GABPA: variants seen among roughly 807,000 people sequenced by gnomAD.
GABPA encodes GA binding protein transcription factor subunit alpha.
In GABPA, 4 loss-of-function variants were observed where a neutral mutation model predicts 59.4. That is an observed-to-expected ratio of 0.07 (90% confidence interval 0.03 to 0.15). The LOEUF (loss-of-function observed/expected upper bound fraction) is 0.15, where lower values mean the gene tolerates loss of function less well. Among genes scored for constraint, GABPA ranks in the 10% least tolerant of loss-of-function variants. The pLI is 1.00. For synonymous variants in GABPA, 164 were observed against 183.1 expected, an observed-to-expected ratio of 0.90 and a Z score of 0.84; for missense variants, 251 against 543.8, an observed-to-expected ratio of 0.46 and a Z score of 5.36.
intron 2 of GABPA, 52 bp downstream of exon 2, chr21:25,741,727 T>A: frequency 8.7e-7 from 1 of 1,152,760 alleles, no homozygotes; most frequent in Non-Finnish European, 1.3e-6. Context: ...TATACCTAAT[T>A]AAAACCAGGA....
At chr21:25,737,673 C>A (rs569009904) in intron 1 of GABPA, among the ~76,000 whole-genome samples, 4 of 152,270 alleles carry the variant, frequency 2.6e-5, no homozygotes, top group Admixed American at 2.0e-4. Flanking sequence ...CAGCCTCTGG[C>A]TACATCATAA....
At position 25,771,699 on chromosome 21, in the gene GABPA, A is replaced by T. The variant is rs2146113756; in HGVS notation, c.*2467A>T. On this transcript the variant is annotated 3_prime_UTR_variant, in exon 10 of 10. Coordinates refer to ENST00000400075, the MANE Select transcript of GABPA (RefSeq NM_002040.4). The stretch of plus-strand genomic sequence containing the variant: ...GAATTTACAGTATATTCAAAGGAAG[A>T]AAGATAAAATTATTGGTCATCATTT... 6.6e-6 allele frequency: 1 copy of T among 152,184 alleles called. No individual in the cohort carries two copies. Among genetic ancestry groups the T allele is most frequent in the African/African-American group, 2.4e-5 (1 of 41,586 alleles). 9.4% of individuals were successfully genotyped at this position (152,184 alleles called of 1,614,324 possible).
At chr21:25,768,239 C>G (rs2035938079) in intron 9 of GABPA, among the ~76,000 whole-genome samples, 1 of 151,954 alleles carries the variant, frequency 6.6e-6, no homozygotes, top group African/African-American at 2.4e-5. Flanking sequence ...AACATTGTCT[C>G]TTTGCAATGT....
intron 2 of GABPA, among the ~76,000 whole-genome samples, chr21:25,742,045 A>C (rs112601034): frequency 2.0e-5 from 3 of 152,368 alleles, no homozygotes; most frequent in African/African-American, 7.2e-5. Context: ...CTAATTGACA[A>C]GAATATGTGA....
At chr21:25,748,487 A>G (rs972682831) in intron 3 of GABPA, among the ~76,000 whole-genome samples, 1 of 152,232 alleles carries the variant, frequency 6.6e-6, no homozygotes, top group Non-Finnish European at 1.5e-5. Context: ...AAACACTAAT[A>G]CTGAAATGAT....
At chr21:25,741,536 G>A (rs1161200256) in intron 1 of GABPA, 37 bp from the exon 2 acceptor site, 19 of 1,153,778 alleles carry the variant, frequency 1.6e-5, no homozygotes, top group Non-Finnish European at 2.3e-5. Context: ...CGTTTATGTG[G>A]ATAGTTTTAA....
chr21:25,757,849 A>ATTTTTTTT (rs60518912), intron 5 of GABPA, among the ~76,000 whole-genome samples, 161 bp from the exon 6 acceptor site: 6 of 108,732 alleles, frequency 5.5e-5, no homozygotes, highest in Admixed American at 9.9e-5. Context: ...TTACAGCATA[A>ATTTTTTTT]TTTTTTTTTT....
Position 25,749,120 on chromosome 21 carries a change from G to T in GABPA, c.307G>T (p.Gly103Ter). The change falls in exon 4 of 10, where the codon GGA becomes TGA. Residue 103 changes from glycine to a stop codon, truncating the protein, a stop_gained and splice_region_variant. Coordinates refer to ENST00000400075, the MANE Select transcript of GABPA (RefSeq NM_002040.4). LOFTEE classifies it high-confidence loss of function. ...QLSVQVISYQ[G>*]IEPKLNILEI... ...TAGTGTACAGGTAATTTCTTACCAA[G>T]GTAAGTTACTTTTCATGATAGTTAT... 6.5e-7 allele frequency: 1 copy of T among 1,528,840 alleles called. No homozygotes were observed. The highest frequency in any genetic ancestry group is 9.0e-7 in the Non-Finnish European group (1 of 1,112,122). 94.7% of individuals were successfully genotyped at this position (1,528,840 alleles called of 1,614,324 possible). A position where few individuals can be genotyped will look rare whatever the true frequency, so the allele number is the denominator to read the frequency against.
intron 2 of GABPA, among the ~76,000 whole-genome samples, chr21:25,743,370 T>C (rs550758509): frequency 2.0e-5 from 3 of 152,316 alleles, no homozygotes; most frequent in East Asian, 3.9e-4. Flanking sequence ...TTGGCAGCCC[T>C]CTTGGAGTCT....
chr21:25,743,569 G>T (rs1475559032), intron 2 of GABPA, among the ~76,000 whole-genome samples: 1 of 150,166 alleles, frequency 6.7e-6, no homozygotes, highest in Admixed American at 6.6e-5. Context: ...TTTAGGTCTA[G>T]TAGTATGAGA....
intron 6 of GABPA, among the ~76,000 whole-genome samples, chr21:25,759,181 T>G (rs1419138829): frequency 1.3e-5 from 2 of 152,236 alleles, no homozygotes; most frequent in African/African-American, 4.8e-5. Flanking sequence ...TCAGTCACTG[T>G]TAAGACACCG....
rs2035960219 is a variant in GABPA at position 25,769,081 on chromosome 21, C to T, written c.1214C>T (p.Thr405Ile). Residue 405 changes from threonine to isoleucine, a missense_variant, in exon 10 of 10, where the codon ACT (threonine) becomes ATT (isoleucine). Coordinates refer to ENST00000400075, the MANE Select transcript of GABPA (RefSeq NM_002040.4). ...TACAAGTTTGTCTGTGACTTGAAGA[C>T]TCTTATTGGATACAGTGCAGCGGAG... is the stretch of plus-strand genomic sequence containing the variant. The part of the protein sequence containing the change: ...FVYKFVCDLK[T>I]LIGYSAAELN... 1.2e-6 allele frequency: 2 copies of T among 1,613,260 alleles called. No homozygotes were observed. Among genetic ancestry groups the T allele is most frequent in the African/African-American group, 1.3e-5 (1 of 74,858 alleles).
At chr21:25,752,311 T>C in intron 5 of GABPA, 77 bp downstream of exon 5, 1 of 1,371,840 alleles carries the variant, frequency 7.3e-7, no homozygotes, top group East Asian at 2.4e-5. Context: ...GGGTAAGTTA[T>C]AATCTATTTT....
chr21:25,751,903 C>A, intron 4 of GABPA, 86 bp from the exon 5 acceptor site: 1 of 1,349,674 alleles, frequency 7.4e-7, no homozygotes, highest in Non-Finnish European at 1.0e-6. Context: ...TTTTCTCTAC[C>A]ATTTGGGAAC....
chr21:25,750,603 C>CT (rs541496278), intron 4 of GABPA, among the ~76,000 whole-genome samples: 105 of 152,258 alleles, frequency 6.9e-4, no homozygotes, highest in South Asian at 1.2e-3. Flanking sequence ...TGAATTTTAG[C>CT]TTTTTAAAAT....
chr21:25,764,230 T>A lies in GABPA; in HGVS notation c.823T>A (p.Ser275Thr), dbSNP rs1235552074. The part of the protein sequence containing the change: ...IDQPVQIIPA[S>T]VQSATPTTIK... ...TGCAGCTGTGCAAATTATTCCAGCA[T>A]CAGTGCAATCTGCTACACCTACTAC... The change falls in exon 8 of 10, where the codon TCA becomes ACA. Residue 275 changes from serine (S) to threonine (T), a missense_variant. Coordinates refer to ENST00000400075, the MANE Select transcript of GABPA (RefSeq NM_002040.4). The A allele has an allele frequency of 1.9e-6, 3 of 1,602,108 alleles. No individual in the cohort carries two copies. Among genetic ancestry groups the A allele is most frequent in the Non-Finnish European group, 2.6e-6 (3 of 1,176,120 alleles).
At chr21:25,746,846 T>C (rs1254055909) in intron 3 of GABPA, among the ~76,000 whole-genome samples, 1 of 152,210 alleles carries the variant, frequency 6.6e-6, no homozygotes, top group African/African-American at 2.4e-5. Context: ...GGTAAAGATA[T>C]ATGCATGAAG....
intron 9 of GABPA, among the ~76,000 whole-genome samples, chr21:25,766,091 A>G (rs2035883275): frequency 6.6e-6 from 1 of 152,024 alleles, no homozygotes; most frequent in Non-Finnish European, 1.5e-5. Flanking sequence ...TAGGCCATAC[A>G]GTAGAATAGG....
At chr21:25,761,372 C>G (rs542715080) in intron 6 of GABPA, among the ~76,000 whole-genome samples, 2 of 152,220 alleles carry the variant, frequency 1.3e-5, no homozygotes, top group Admixed American at 1.3e-4. Context: ...AAATCCAGAT[C>G]TGTCTGAAGC....
Sources: allele counts gnomAD v4.1 joint callset (sites outside exome capture counted in the v4.1 genomes callset), GRCh38; gene constraint gnomAD v4.1.1; transcripts MANE v1.5; gene names NCBI Gene and HGNC (gene_info 2026-07-23, HGNC 2026-07-21).